WDR44: variants seen among roughly 807,000 people sequenced by gnomAD.
WDR44 encodes WD repeat domain 44.
A neutral mutation model predicts 65.7 loss-of-function variants in WDR44; 9 were observed. That is an observed-to-expected ratio of 0.14 (90% CI 0.08 to 0.24). The LOEUF is 0.24. WDR44 is among the 10% of genes least tolerant of loss of function. The probability of loss-of-function intolerance (pLI) is 1.00; values close to 1 mark genes in which losing one functional copy is unlikely to be tolerated. For synonymous variants in WDR44, 220 were observed against 235.2 expected (o/e 0.94, Z 0.59); for missense variants, 425 against 670.9 (o/e 0.63, Z 4.05).
intron 3 of WDR44, among the ~76,000 whole-genome samples, chrX:118,388,356 C>T (rs2147698365): frequency 8.9e-6 from 1 of 111,825 alleles, no homozygotes; most frequent in Non-Finnish European, 1.9e-5. Flanking sequence ...TCATGGCTCA[C>T]TGTAGCCTCC....
chrX:118,403,206 A>G (rs765314461), intron 8 of WDR44, among the ~76,000 whole-genome samples: 1 of 112,043 alleles, frequency 8.9e-6, no homozygotes, highest in Non-Finnish European at 1.9e-5. Flanking sequence ...ATATTTTTGG[A>G]CCATGGTTGA....
chrX:118,367,681 A>G (rs2056566022), intron 1 of WDR44, among the ~76,000 whole-genome samples: 1 of 111,556 alleles, frequency 9.0e-6, no homozygotes, highest in Non-Finnish European at 1.9e-5. Flanking sequence ...TTTATACTCA[A>G]TACCTGGGAC....
intron 3 of WDR44, among the ~76,000 whole-genome samples, chrX:118,389,248 C>A (rs926584463): frequency 2.7e-5 from 3 of 112,139 alleles, no homozygotes; most frequent in African/African-American, 9.7e-5. Context: ...TCTCGAGTAA[C>A]TTACATTTTA....
At chrX:118,436,295 G>A (rs2057254045) in intron 13 of WDR44, among the ~76,000 whole-genome samples, 1 of 112,107 alleles carries the variant, frequency 8.9e-6, no homozygotes, top group African/African-American at 3.2e-5. Flanking sequence ...AGATCTATGT[G>A]AGTTAAAATT....
chrX:118,424,254 T>A (rs2057130852), intron 12 of WDR44, among the ~76,000 whole-genome samples: 1 of 97,280 alleles, frequency 1.0e-5, no homozygotes, highest in African/African-American at 4.0e-5. Context: ...TCTTCACTAA[T>A]ACTTGTTATC....
chrX:118,391,536 G>C (rs1276392592), intron 3 of WDR44, among the ~76,000 whole-genome samples: 1 of 112,248 alleles, frequency 8.9e-6, no homozygotes, highest in Non-Finnish European at 1.9e-5. Context: ...TCTGAAGCCA[G>C]GGAATTGAGA....
intron 1 of WDR44, among the ~76,000 whole-genome samples, chrX:118,369,693 C>T (rs1162116506): frequency 2.7e-5 from 3 of 110,206 alleles, no homozygotes; most frequent in African/African-American, 9.9e-5. Context: ...TGGTCTCAAT[C>T]TCCTGACCTT....
intron 19 of WDR44, among the ~76,000 whole-genome samples, chrX:118,446,362 GAGCCCGGGCAACATAGAAGACC>G (rs917051089): frequency 3.0e-4 from 33 of 111,096 alleles, no homozygotes; most frequent in Non-Finnish European, 3.8e-4. Flanking sequence ...AGGAGGTCTT[GAGCCCGGGCAACATAGAAGACC>G]AGCCCGGGCA....
At chrX:118,412,566 G>T (rs977694176) in intron 12 of WDR44, among the ~76,000 whole-genome samples, 21 of 111,374 alleles carry the variant, frequency 1.9e-4, no homozygotes, top group African/African-American at 5.9e-4. Flanking sequence ...AAGATAAGCT[G>T]AATTGAGAGA....
In WDR44 at chrX:118,420,842, C is replaced by A. The variant is rs758956512; in HGVS notation, c.1737+9883C>A. Among the ~76,000 whole-genome samples, 36 of 112,571 alleles carry A rather than the reference C, an allele frequency of 3.2e-4. No homozygotes were observed. In the South Asian group the frequency reaches 0.012, roughly 39 times the overall value. On this transcript the variant is annotated intron_variant, in intron 12 of 19. Transcript: ENST00000254029. Reference sequence around the variant, plus strand: ...GATAAAATTGTTCTTCATTTGTATTCTAATAGTACATCATAGGTACTTTTA... The same window carrying A: ...GATAAAATTGTTCTTCATTTGTATTATAATAGTACATCATAGGTACTTTTA...
intron 2 of WDR44, among the ~76,000 whole-genome samples, chrX:118,386,115 C>G (rs191543699): frequency 1.8e-5 from 2 of 111,384 alleles, no homozygotes; most frequent in Admixed American, 1.9e-4. Flanking sequence ...CTATTGTGAT[C>G]ATATCCTGAT....
intron 1 of WDR44, among the ~76,000 whole-genome samples, chrX:118,376,796 G>A (rs2147684681): frequency 9.0e-6 from 1 of 110,727 alleles, no homozygotes; most frequent in Admixed American, 9.6e-5. Flanking sequence ...TTGAGCCCAG[G>A]AGTTCGAGAC....
At chrX:118,418,006 A>G (rs1336054294) in intron 12 of WDR44, among the ~76,000 whole-genome samples, 1 of 111,390 alleles carries the variant, frequency 9.0e-6, no homozygotes, top group African/African-American at 3.3e-5. Context: ...TTTCATTTCT[A>G]TAAGTGTGTA....
intron 1 of WDR44, among the ~76,000 whole-genome samples, chrX:118,363,076 C>CT (rs779614618): frequency 4.7e-5 from 5 of 106,141 alleles, no homozygotes; most frequent in Middle Eastern, 4.7e-3. Flanking sequence ...ATGCTTTTTT[C>CT]TTTTTTTTTG....
At chrX:118,347,904 G>A (rs968537186) in intron 1 of WDR44, among the ~76,000 whole-genome samples, 18 of 112,199 alleles carry the variant, frequency 1.6e-4, no homozygotes, top group African/African-American at 5.5e-4. Context: ...TTAGAGCTAG[G>A]TGTAGAGCAT....
intron 5 of WDR44, among the ~76,000 whole-genome samples, chrX:118,394,945 A>G (rs977560276): frequency 1.8e-5 from 2 of 112,388 alleles, no homozygotes; most frequent in African/African-American, 6.5e-5. Flanking sequence ...CCTTTGAGGT[A>G]GCCACATACA....
intron 19 of WDR44, among the ~76,000 whole-genome samples, chrX:118,445,943 T>A (rs1331528225): frequency 6.6e-5 from 7 of 105,405 alleles, no homozygotes; most frequent in Non-Finnish European, 1.2e-4. Flanking sequence ...GGCTGGAGAA[T>A]CGCTTGAACC....
At chrX:118,427,419 T>C (rs996492451) in intron 12 of WDR44, among the ~76,000 whole-genome samples, 116 of 108,422 alleles carry the variant, frequency 1.1e-3, no homozygotes, top group African/African-American at 3.6e-3. Flanking sequence ...TACAGGCGCC[T>C]GCCACCACGC....
At chrX:118,428,414 A>G (rs764302144) in intron 12 of WDR44, among the ~76,000 whole-genome samples, 2 of 111,469 alleles carry the variant, frequency 1.8e-5, no homozygotes, top group East Asian at 5.6e-4. Context: ...CACTGGGATT[A>G]CAGGGACGAA....
Sources: gnomAD v4.1 joint callset for allele counts (sites outside exome capture counted in the v4.1 genomes callset) on GRCh38, gnomAD v4.1.1 for gene constraint, MANE v1.5 for transcripts, NCBI Gene and HGNC (gene_info 2026-07-23, HGNC 2026-07-21) for gene names.